Variants in ARPP21 observed in about 807,000 individuals in gnomAD.
The protein encoded by ARPP21 is cAMP-regulated phosphoprotein 21.
ARPP21 carries 69 observed loss-of-function variants against 113.2 expected under a neutral mutation model. That is an observed-to-expected ratio of 0.61 (90% CI 0.50 to 0.74). The LOEUF (loss-of-function observed/expected upper bound fraction) is 0.74, where lower values mean the gene tolerates loss of function less well. ARPP21 is among the 30% of genes least tolerant of loss of function. ARPP21 has a pLI of 0.00. For synonymous variants in ARPP21, 368 were observed against 375.5 expected (o/e 0.98, Z 0.23); for missense variants, 1,070 against 1,037.4 (o/e 1.03, Z -0.43).
At chr3:35,720,773 G>A (rs1449393771) in intron 13 of ARPP21, among the ~76,000 whole-genome samples, 1 of 152,136 alleles carries the variant, frequency 6.6e-6, no homozygotes, top group Non-Finnish European at 1.5e-5. Flanking sequence ...ATACTCTACA[G>A]TCTTCAAACT....
At chr3:35,689,984 A>G in intron 7 of ARPP21, 97 bp from the exon 8 acceptor site, 1 of 678,056 alleles carries the variant, frequency 1.5e-6, no homozygotes. Context: ...GTAGCAGCAT[A>G]CATTTAAGTA....
chr3:35,793,637 G>A lies in ARPP21; in HGVS notation c.2287-64G>A, dbSNP rs947204769. The A allele has an allele frequency of 8.2e-6, 9 of 1,093,762 alleles. No homozygotes were observed. The African/African-American group carries it at 9.3e-5, about 11-fold the overall frequency. The allele number at this position is 1,093,762 out of a possible 1,614,324, so 67.8% of individuals were successfully genotyped here. The stretch of plus-strand genomic sequence containing the variant: ...GTTTGAATATTTTTCATGACACCAT[G>A]TTGTTTATTGTACAGACCAAAATAG... On this transcript the variant is annotated intron_variant, in intron 20 of 20. Coordinates refer to ENST00000684406, the MANE Select transcript of ARPP21 (RefSeq NM_001385562.1).
chr3:35,648,269 A>G (rs1186830332), intron 1 of ARPP21, among the ~76,000 whole-genome samples: 1 of 152,192 alleles, frequency 6.6e-6, no homozygotes, highest in Non-Finnish European at 1.5e-5. Flanking sequence ...ATGTTAACAT[A>G]TGGGTATTAT....
Position 35,760,166 on chromosome 3 carries a change from G to T in ARPP21, c.2137+16201G>T, listed in dbSNP as rs565830404. ...AAAAACACTAAAAAGACATCCAAAAGCTTTCCTTTCTCCCCCTTGTTGTCG... is the reference window on the plus strand; with the variant it reads ...AAAAACACTAAAAAGACATCCAAAATCTTTCCTTTCTCCCCCTTGTTGTCG... On this transcript the variant is annotated intron_variant, in intron 19 of 20. Coordinates refer to ENST00000684406, the MANE Select transcript of ARPP21 (RefSeq NM_001385562.1). Among the ~76,000 whole-genome samples, 54 of 152,174 alleles carry T rather than the reference G, an allele frequency of 3.5e-4. No individual in the cohort carries two copies. The South Asian group carries it at 7.0e-3, about 20-fold the overall frequency.
intron 18 of ARPP21, among the ~76,000 whole-genome samples, chr3:35,740,103 A>G (rs890804994): frequency 1.3e-5 from 2 of 152,188 alleles, no homozygotes; most frequent in African/African-American, 4.8e-5. Flanking sequence ...CCCTAAGGGG[A>G]AGCAGAGCTC....
upstream of ARPP21, among the ~76,000 whole-genome samples, chr3:35,639,346 G>T (rs1459319553): frequency 6.6e-6 from 1 of 152,076 alleles, no homozygotes; most frequent in African/African-American, 2.4e-5. This position sits in a 1 kb window ranked among gnomAD's most constrained non-coding sequence, Gnocchi z 5.0. Context: ...CCACCTCCCG[G>T]GTGTGGCGGG....
At chr3:35,694,891 A>G (rs942046934) in intron 9 of ARPP21, among the ~76,000 whole-genome samples, 27 of 148,250 alleles carry the variant, frequency 1.8e-4, no homozygotes, top group Admixed American at 4.1e-4. Flanking sequence ...AGGAAAGCAT[A>G]TATATATGCA....
At chr3:35,691,106 T>C (rs2082110672) in intron 9 of ARPP21, 101 bp downstream of exon 9, 1 of 1,255,166 alleles carries the variant, frequency 8.0e-7, no homozygotes, top group Non-Finnish European at 1.1e-6. Flanking sequence ...ATTTAAAATG[T>C]GCAGTGTTAT....
chr3:35,754,408 G>GT (rs2095505331), intron 19 of ARPP21, among the ~76,000 whole-genome samples: 2 of 151,912 alleles, frequency 1.3e-5, no homozygotes, highest in South Asian at 4.1e-4. Flanking sequence ...ATTAAAGAGT[G>GT]ACACGAGGAC....
chr3:35,655,388 A>G (rs1165498083), intron 1 of ARPP21, among the ~76,000 whole-genome samples: 4 of 151,922 alleles, frequency 2.6e-5, no homozygotes, highest in African/African-American at 4.8e-5. Context: ...TTTCATTGCT[A>G]ATAAACAATA....
chr3:35,756,233 G>A (rs1459701787), intron 19 of ARPP21, among the ~76,000 whole-genome samples: 1 of 152,036 alleles, frequency 6.6e-6, no homozygotes, highest in Admixed American at 6.6e-5. Flanking sequence ...AACCTAGGAA[G>A]GCTACAATAC....
At chr3:35,771,389 C>T (rs1396787407) in intron 19 of ARPP21, among the ~76,000 whole-genome samples, 1 of 151,882 alleles carries the variant, frequency 6.6e-6, no homozygotes, top group East Asian at 1.9e-4. Flanking sequence ...AGTGCAGTGG[C>T]ATGATCTCAG....
intron 5 of ARPP21, 145 bp from the exon 6 acceptor site, chr3:35,687,594 C>T: frequency 3.1e-6 from 2 of 636,938 alleles, no homozygotes; most frequent in Non-Finnish European, 2.6e-6. Flanking sequence ...AATTAATTTC[C>T]TGACAGGTTT....
chr3:35,704,282 A>G (rs1361034619), intron 9 of ARPP21, among the ~76,000 whole-genome samples: 1 of 151,884 alleles, frequency 6.6e-6, no homozygotes, highest in Non-Finnish European at 1.5e-5. Flanking sequence ...TATTTATATT[A>G]TTAATTAGAA....
chr3:35,685,721 T>C (rs1003704981), intron 5 of ARPP21: 3 of 982,782 alleles, frequency 3.1e-6, no homozygotes, highest in Non-Finnish European at 3.6e-6. Flanking sequence ...ATTTTGCTTT[T>C]CTAATGTTAT....
intron 19 of ARPP21, chr3:35,781,503 A>G (rs1425327534): frequency 1.3e-5 from 2 of 152,344 alleles, no homozygotes; most frequent in African/African-American, 4.8e-5. Flanking sequence ...AGTTCCAGCC[A>G]GCTGAAAAGA....
intron 9 of ARPP21, 119 bp downstream of exon 9, chr3:35,691,124 T>G: frequency 1.7e-5 from 19 of 1,105,330 alleles, no homozygotes; most frequent in Non-Finnish European, 2.2e-5. Context: ...TATTTATCTC[T>G]TGCTCTTATC....
chr3:35,670,523 G>A (rs368311105), intron 1 of ARPP21, among the ~76,000 whole-genome samples: 4 of 152,110 alleles, frequency 2.6e-5, no homozygotes, highest in South Asian at 2.1e-4. Context: ...TGATAGGTCG[G>A]CCAAACTCAA....
At chr3:35,745,759 T>C (rs892890056) in intron 19 of ARPP21, among the ~76,000 whole-genome samples, 4 of 152,218 alleles carry the variant, frequency 2.6e-5, no homozygotes, top group Non-Finnish European at 5.9e-5. Flanking sequence ...AGGCATTTTT[T>C]ACTCTTTAAT....
Sources: gnomAD v4.1 joint callset for allele counts (sites outside exome capture counted in the v4.1 genomes callset) on GRCh38, gnomAD v4.1.1 for gene constraint, Gnocchi (gnomAD v3.1) non-coding constraint, MANE v1.5 for transcripts, NCBI Gene and HGNC (gene_info 2026-07-23, HGNC 2026-07-21) for gene names.